Variants in SMIM21 observed in about 807,000 individuals in gnomAD.
SMIM21 encodes the protein small integral membrane protein 21.
SMIM21 carries 8 observed loss-of-function variants against 8.6 expected under a neutral mutation model. The observed-to-expected ratio is 0.93, with a 90% CI of 0.55 to 1.68. SMIM21 has a LOEUF of 1.68. Ranked by LOEUF, SMIM21 falls within the 40% of genes most tolerant of loss-of-function variation. SMIM21 has a pLI of 0.00. For missense variants in SMIM21, 132 were observed against 123.0 expected, an observed-to-expected ratio of 1.07 and a Z score of -0.35; for synonymous variants, 43 against 41.7, an observed-to-expected ratio of 1.03 and a Z score of -0.12.
chr18:75,412,137 A>G lies in SMIM21; in HGVS notation c.261-1228T>C, dbSNP rs554393500. Among the ~76,000 whole-genome samples, 3 of 152,332 alleles carry G rather than the reference A, an allele frequency of 2.0e-5. No individual in the cohort carries two copies. The East Asian group carries it at 5.8e-4, about 29-fold the overall frequency. ...AAGGCTTCCTGAGCTTCCAGGATCA[A>G]CACTGTTCTGACCTCTGGCCTTCAA... On this transcript the variant is annotated intron_variant, in intron 2 of 2. Coordinates refer to ENST00000579022, the MANE Select transcript of SMIM21 (RefSeq NM_001037331.3).
intron 1 of SMIM21, among the ~76,000 whole-genome samples, chr18:75,421,948 C>A (rs976639950): frequency 6.6e-6 from 1 of 151,990 alleles, no homozygotes; most frequent in African/African-American, 2.4e-5. Context: ...GCTTTTGGAT[C>A]CCTGAAAACA....
intron 1 of SMIM21, among the ~76,000 whole-genome samples, chr18:75,425,007 G>C (rs746934759): frequency 3.3e-5 from 5 of 152,220 alleles, no homozygotes; most frequent in Non-Finnish European, 7.3e-5. Context: ...GCTCCCTCAA[G>C]TCTCATGGCG....
rs2024568116 is a variant in SMIM21 at position 75,410,206 on chromosome 18, A to G, written c.*658T>C. ...ACAGTGCTCCATCCTAAATCATTTG[A>G]TAATGTAAGAGGCTTGGTGCAGTTT... is the stretch of plus-strand genomic sequence containing the variant. On this transcript the variant is annotated 3_prime_UTR_variant, in exon 3 of 3. Transcript: ENST00000579022. 6.6e-6 allele frequency: 1 copy of G among 152,638 alleles called. No homozygotes were observed. Among genetic ancestry groups the G allele is most frequent in the Non-Finnish European group, 1.5e-5 (1 of 68,052 alleles). The allele number at this position is 152,638 out of a possible 1,614,324, so 9.5% of individuals were successfully genotyped here.
At chr18:75,413,166 G>A (rs1359292054) in intron 2 of SMIM21, among the ~76,000 whole-genome samples, 1 of 152,096 alleles carries the variant, frequency 6.6e-6, no homozygotes, top group Non-Finnish European at 1.5e-5. Flanking sequence ...GCTTCCTGAA[G>A]AAAGTCTAAG....
At chr18:75,421,282 G>T (rs1045842487) in intron 1 of SMIM21, among the ~76,000 whole-genome samples, 5 of 152,154 alleles carry the variant, frequency 3.3e-5, no homozygotes, top group African/African-American at 9.7e-5. Context: ...TGAACCCCAA[G>T]ATATTAACAG....
Position 75,410,874 on chromosome 18 carries a change from TCTG to T in SMIM21, c.293_295del (p.Ala98del). 1 of 1,614,156 alleles carries T rather than the reference TCTG, an allele frequency of 6.2e-7. No individual in the cohort carries two copies. Among genetic ancestry groups the T allele is most frequent in the South Asian group, 1.1e-5 (1 of 91,064 alleles). On this transcript the variant is annotated inframe_deletion, in exon 3 of 3. Coordinates refer to ENST00000579022, the MANE Select transcript of SMIM21 (RefSeq NM_001037331.3). ...GAAACGTAGTGTCATTTATTCTGCT[TCTG>T]CTGTGTTCCTGGATGACTTCAAACG...
In SMIM21 at chr18:75,410,499, AC is replaced by A. The variant is rs2024571682; in HGVS notation, c.*364del. 3.8e-6 allele frequency: 1 copy of A among 260,536 alleles called. No homozygotes were observed. The highest frequency in any genetic ancestry group is 4.9e-5 in the Admixed American group (1 of 20,298). The allele number at this position is 260,536 out of a possible 1,614,324, so 16.1% of individuals were successfully genotyped here. On this transcript the variant is annotated 3_prime_UTR_variant, in exon 3 of 3. Transcript: ENST00000579022. ...AGGTGGTCCCGAAATAAGTGAAAGC[AC>A]TTGCAAGGAAAAAGTTACAGCAGCA...
chr18:75,409,664 T>TGA lies in SMIM21; in HGVS notation c.*1199_*1200insTC, dbSNP rs2024561613. On this transcript the variant is annotated 3_prime_UTR_variant, in exon 3 of 3. Transcript: ENST00000579022. ...TTCCATCGGTGACAAGAACTCTGTG[T>TGA]GTGTGTGTGTGTGTGTATGTGTGTA... 1 of 151,268 alleles carries TGA rather than the reference T, an allele frequency of 6.6e-6. No individual in the cohort carries two copies. Among genetic ancestry groups the TGA allele is most frequent in the Non-Finnish European group, 1.5e-5 (1 of 67,958 alleles). 9.4% of individuals were successfully genotyped at this position (151,268 alleles called of 1,614,324 possible).
In SMIM21 at chr18:75,418,896, A is replaced by C; in HGVS notation, c.150T>G (p.Ile50Met). The C allele has an allele frequency of 6.2e-7, 1 of 1,601,450 alleles. No homozygotes were observed. Among genetic ancestry groups the C allele is most frequent in the Non-Finnish European group, 8.6e-7 (1 of 1,168,802 alleles). Residue 50 changes from isoleucine (I) to methionine (M), a missense_variant, in exon 2 of 3, where the codon ATT (isoleucine) becomes ATG (methionine). Physicochemically the swap from Ile to Met is conservative, Grantham distance 10 (BLOSUM62 1). Transcript: ENST00000579022. Reference protein sequence around the residue: ...ALTTFENEHHIRFFTLLVLFH... With the variant: ...ALTTFENEHHMRFFTLLVLFH... Reference sequence around the variant, plus strand: ...AAAGAACCAACAATGTGAAGAAACGAATATGGTGTTCATTTTCAAACTGAA... The same window carrying C: ...AAAGAACCAACAATGTGAAGAAACGCATATGGTGTTCATTTTCAAACTGAA...
intron 1 of SMIM21, among the ~76,000 whole-genome samples, chr18:75,420,687 T>A (rs1284437067): frequency 3.3e-5 from 5 of 152,222 alleles, no homozygotes; most frequent in Non-Finnish European, 7.3e-5. Context: ...ATTCTTCCTT[T>A]ACTGCTATGC....
intron 2 of SMIM21, among the ~76,000 whole-genome samples, chr18:75,411,213 G>A (rs1373215691): frequency 6.6e-6 from 1 of 152,188 alleles, no homozygotes; most frequent in Non-Finnish European, 1.5e-5. Flanking sequence ...GCCCTTACTA[G>A]CCTTGTATAA....
chr18:75,427,508 GT>G lies in SMIM21; in HGVS notation c.55del (p.Thr19HisfsTer43). On this transcript the variant is annotated frameshift_variant, in exon 1 of 3. Coordinates refer to ENST00000579022, the MANE Select transcript of SMIM21 (RefSeq NM_001037331.3). LOFTEE classifies it high-confidence loss of function. Reference protein sequence around the residue: ...PPRFPIAQLGTFKQDSAGMGR... With the variant: ...PPRFPIAQLGXFKQDSAGMGR... The stretch of plus-strand genomic sequence containing the variant: ...CATTCCTGCAGAGTCTTGTTTAAAT[GT>G]TCCCAGCTGTGCTATAGGGAATCGG... The G allele has an allele frequency of 6.2e-7, 1 of 1,614,056 alleles. No homozygotes were observed. The highest frequency in any genetic ancestry group is 8.5e-7 in the Non-Finnish European group (1 of 1,179,986).
At position 75,418,779 on chromosome 18, in the gene SMIM21, T is replaced by C. The variant is rs780309229; in HGVS notation, c.260+7A>G. Reference sequence around the variant, plus strand: ...TTTTTTAACTGCTAAGGTTATCGTTTACCTACTTTCGAAATATGCTGTTGG... The same window carrying C: ...TTTTTTAACTGCTAAGGTTATCGTTCACCTACTTTCGAAATATGCTGTTGG... On this transcript the variant is annotated splice_region_variant and intron_variant, in intron 2 of 2. Coordinates refer to ENST00000579022, the MANE Select transcript of SMIM21 (RefSeq NM_001037331.3). 6.2e-6 allele frequency: 10 copies of C among 1,603,372 alleles called. No homozygotes were observed. The South Asian group carries it at 1.1e-4, about 18-fold the overall frequency.
intron 2 of SMIM21, among the ~76,000 whole-genome samples, chr18:75,414,059 T>C (rs2024612048): frequency 6.8e-6 from 1 of 147,078 alleles, no homozygotes; most frequent in African/African-American, 2.5e-5. Flanking sequence ...TGCCTAGGAG[T>C]CTCTCTCTCT....
At chr18:75,413,097 C>T (rs551399114) in intron 2 of SMIM21, among the ~76,000 whole-genome samples, 4 of 151,976 alleles carry the variant, frequency 2.6e-5, no homozygotes, top group Non-Finnish European at 5.9e-5. Flanking sequence ...AGGCTCCAGG[C>T]CTCCACGCTG....
At chr18:75,424,169 G>T (rs935363764) in intron 1 of SMIM21, among the ~76,000 whole-genome samples, 1 of 152,152 alleles carries the variant, frequency 6.6e-6, no homozygotes, top group Non-Finnish European at 1.5e-5. Flanking sequence ...GCTCAACCAA[G>T]ATAAGCCATG....
In SMIM21 at chr18:75,420,467, AG is replaced by A. The variant is rs1480976798; in HGVS notation, c.130-1552del. 5.3e-5 allele frequency among the ~76,000 whole-genome samples: 8 copies of A among 152,152 alleles called. No homozygotes were observed. The East Asian group carries it at 1.5e-3, about 29-fold the overall frequency. On this transcript the variant is annotated intron_variant, in intron 1 of 2. Coordinates refer to ENST00000579022, the MANE Select transcript of SMIM21 (RefSeq NM_001037331.3). Reference sequence around the variant, plus strand: ...CTTCAACATGCAACAATCATTAGAGAGCTACTCTGTGCATCATTTGGAGACA... The same window carrying A: ...CTTCAACATGCAACAATCATTAGAGACTACTCTGTGCATCATTTGGAGACA...
chr18:75,427,331 C>A (rs2024774979), intron 1 of SMIM21, 104 bp downstream of exon 1: 2 of 1,266,158 alleles, frequency 1.6e-6, no homozygotes, highest in East Asian at 5.0e-5. Flanking sequence ...ATTTGAGAGA[C>A]AGAGCACTCA....
intron 1 of SMIM21, among the ~76,000 whole-genome samples, chr18:75,423,914 C>A (rs1476996525): frequency 1.3e-5 from 2 of 152,180 alleles, no homozygotes; most frequent in Non-Finnish European, 2.9e-5. Context: ...ATTTTAGTGA[C>A]ACGTTTTTGG....
Sources: allele counts gnomAD v4.1 joint callset (sites outside exome capture counted in the v4.1 genomes callset), GRCh38; gene constraint gnomAD v4.1.1; transcripts MANE v1.5; gene names NCBI Gene and HGNC (gene_info 2026-07-23, HGNC 2026-07-21).